FOXJ3: variants seen among roughly 807,000 people sequenced by gnomAD.
FOXJ3 encodes the protein forkhead box protein J3.
Under a neutral mutation model 76.1 loss-of-function variants are expected in FOXJ3, and 22 were observed. The observed-to-expected ratio is 0.29, with a 90% confidence interval of 0.21 to 0.41. The LOEUF is 0.41. Ranked by LOEUF, FOXJ3 falls within the 10% of genes least tolerant of loss-of-function variation. The pLI, the probability that FOXJ3 is intolerant of heterozygous loss-of-function variation, is 1.00. For missense variants in FOXJ3, 613 were observed against 762.1 expected (o/e 0.80, Z 2.30); for synonymous variants, 269 against 261.2 (o/e 1.03, Z -0.29).
intron 2 of FOXJ3, among the ~76,000 whole-genome samples, chr1:42,283,740 G>A (rs1045029420): frequency 6.6e-6 from 1 of 152,144 alleles, no homozygotes; most frequent in Non-Finnish European, 1.5e-5. Flanking sequence ...CCGATCTCAT[G>A]CATCTCTTTG....
intron 5 of FOXJ3, among the ~76,000 whole-genome samples, chr1:42,209,235 CAGT>C (rs1646919622): frequency 6.6e-6 from 1 of 152,176 alleles, no homozygotes; most frequent in South Asian, 2.1e-4. Context: ...CTATAAAAAT[CAGT>C]AGCATTTCTA....
rs531746030 is a variant in FOXJ3, at chr1:42,245,320, T to A, written c.445-17354A>T. Among the ~76,000 whole-genome samples, 8 of 152,290 alleles carry A rather than the reference T, an allele frequency of 5.3e-5. No individual in the cohort carries two copies. The East Asian group carries it at 1.5e-3, about 29-fold the overall frequency. ...GGAAGGAATTCTCCTTTATTCATTC[T>A]ATGAGGCCTGCATTACCCTGATACC... On this transcript the variant is annotated intron_variant, in intron 4 of 12. Transcript: ENST00000361346.
intron 5 of FOXJ3, among the ~76,000 whole-genome samples, chr1:42,210,975 A>C (rs905160903): frequency 6.6e-6 from 1 of 152,170 alleles, no homozygotes; most frequent in Non-Finnish European, 1.5e-5. Flanking sequence ...GCACCTCATG[A>C]GACAAAAGAA....
intron 4 of FOXJ3, among the ~76,000 whole-genome samples, chr1:42,263,210 T>A (rs977757922): frequency 3.3e-5 from 5 of 152,158 alleles, no homozygotes; most frequent in African/African-American, 1.2e-4. Flanking sequence ...AAAAGAAAAA[T>A]ACCTGACATG....
chr1:42,236,673 A>T (rs608277), intron 4 of FOXJ3, among the ~76,000 whole-genome samples: 3 of 152,184 alleles, frequency 2.0e-5, no homozygotes, highest in South Asian at 2.1e-4. Flanking sequence ...CCCTTTCCTT[A>T]GCCTTCTCTC....
At chr1:42,311,688 A>C (rs1408510590) in intron 1 of FOXJ3, among the ~76,000 whole-genome samples, 2 of 65,160 alleles carry the variant, frequency 3.1e-5, no homozygotes, top group Non-Finnish European at 6.3e-5. Flanking sequence ...AAAGAGAAGC[A>C]CTGAAACAGA....
chr1:42,299,976 G>A (rs1654033262), intron 2 of FOXJ3, among the ~76,000 whole-genome samples: 1 of 152,072 alleles, frequency 6.6e-6, no homozygotes, highest in Non-Finnish European at 1.5e-5. Context: ...GCCCAGGTGG[G>A]CGGATCACGA....
chr1:42,227,159 C>T (rs1647639597), intron 5 of FOXJ3, among the ~76,000 whole-genome samples: 1 of 152,020 alleles, frequency 6.6e-6, no homozygotes, highest in South Asian at 2.1e-4. Flanking sequence ...TCTACAAGAA[C>T]AAAAATGGAA....
chr1:42,278,217 T>C, intron 3 of FOXJ3, 131 bp downstream of exon 3: 1 of 715,248 alleles, frequency 1.4e-6, no homozygotes, highest in Non-Finnish European at 2.3e-6. Flanking sequence ...AAAAACTTTT[T>C]GACATCCTAA....
chr1:42,216,517 C>CAA (rs750285672), intron 5 of FOXJ3, among the ~76,000 whole-genome samples: 3 of 102,268 alleles, frequency 2.9e-5, no homozygotes, highest in African/African-American at 1.1e-4. Context: ...GACTCCGTCT[C>CAA]AAAAAAAAAA....
At chr1:42,328,358 G>A (rs146452829) in intron 1 of FOXJ3, among the ~76,000 whole-genome samples, 16 of 152,270 alleles carry the variant, frequency 1.1e-4, no homozygotes, top group African/African-American at 3.6e-4. Flanking sequence ...GTTCAATTCA[G>A]AACAGAGTTC....
chr1:42,306,298 C>CTTTTTTTTTTTTTTT (rs9326121), intron 2 of FOXJ3, among the ~76,000 whole-genome samples: 44 of 81,672 alleles, frequency 5.4e-4, no homozygotes, highest in African/African-American at 1.1e-3. Flanking sequence ...GAACTTTTTT[C>CTTTTTTTTTTTTTTT]TTTTTTTTTT....
At chr1:42,305,539 T>C (rs1258555944) in intron 2 of FOXJ3, among the ~76,000 whole-genome samples, 4 of 152,178 alleles carry the variant, frequency 2.6e-5, no homozygotes, top group African/African-American at 7.2e-5. Flanking sequence ...ATGTGGTACA[T>C]ATATACACGA....
At chr1:42,280,274 C>T (rs900367671) in intron 2 of FOXJ3, 7 of 981,412 alleles carry the variant, frequency 7.1e-6, no homozygotes, top group African/African-American at 7.0e-5. Context: ...AAGACAACCA[C>T]GAGGATTCTA....
chr1:42,310,606 C>T (rs1255980835), intron 2 of FOXJ3, among the ~76,000 whole-genome samples: 3 of 151,722 alleles, frequency 2.0e-5, no homozygotes, highest in Non-Finnish European at 4.4e-5. Flanking sequence ...AGCCACCACA[C>T]CTGGCTAATT....
chr1:42,292,879 T>C (rs1016583849), intron 2 of FOXJ3, among the ~76,000 whole-genome samples: 4 of 152,282 alleles, frequency 2.6e-5, no homozygotes, highest in South Asian at 4.2e-4. Context: ...GGTGGGCAGA[T>C]TGCTTGAGCT....
intron 1 of FOXJ3, among the ~76,000 whole-genome samples, chr1:42,331,812 C>A (rs74444348): frequency 0.027 from 3,543 of 130,244 alleles, 142 homozygotes; most frequent in African/African-American, 0.094. Context: ...GTGAATTATA[C>A]TTCAAGAAAG....
intron 2 of FOXJ3, among the ~76,000 whole-genome samples, chr1:42,301,055 A>C (rs1654110659): frequency 6.6e-6 from 1 of 152,150 alleles, no homozygotes; most frequent in African/African-American, 2.4e-5. Context: ...TGGATGTCTA[A>C]ATCTCTTCCC....
chr1:42,251,681 G>A (rs1650063840), intron 4 of FOXJ3, among the ~76,000 whole-genome samples: 2 of 146,388 alleles, frequency 1.4e-5, no homozygotes, highest in Non-Finnish European at 3.0e-5. Flanking sequence ...GCTTTTTGAT[G>A]TGCTGCTGGA....
Sources: gnomAD v4.1 joint callset for allele counts (sites outside exome capture counted in the v4.1 genomes callset) on GRCh38, gnomAD v4.1.1 for gene constraint, MANE v1.5 for transcripts, NCBI Gene and HGNC (gene_info 2026-07-23, HGNC 2026-07-21) for gene names.